SLC2A9: variants seen among roughly 807,000 people sequenced by gnomAD.
The protein encoded by SLC2A9 is solute carrier family 2 member 9.
A neutral mutation model predicts 50.6 loss-of-function variants in SLC2A9; 39 were observed. The observed-to-expected ratio is 0.77, with a 90% CI of 0.60 to 1.01. The LOEUF is 1.01. Ranked by LOEUF, SLC2A9 falls within the 50% of genes least tolerant of loss-of-function variation. The probability of loss-of-function intolerance (pLI) is 0.00; values close to 1 mark genes in which losing one functional copy is unlikely to be tolerated. For missense variants in SLC2A9, 686 were observed against 677.6 expected, an observed-to-expected ratio of 1.01 and a Z score of -0.14; for synonymous variants, 324 against 276.9, an observed-to-expected ratio of 1.17 and a Z score of -1.69.
At chr4:9,937,313 C>T (rs917725880) in intron 6 of SLC2A9, among the ~76,000 whole-genome samples, 9 of 152,042 alleles carry the variant, frequency 5.9e-5, no homozygotes, top group Admixed American at 5.9e-4. Context: ...CCCTTTTTGG[C>T]CCTTGGGTTT....
chr4:9,923,113 A>G (rs979937837), intron 6 of SLC2A9, among the ~76,000 whole-genome samples: 7 of 152,114 alleles, frequency 4.6e-5, no homozygotes, highest in Admixed American at 1.3e-4. Context: ...TAGAAGACTG[A>G]GCTGGAGTCC....
intron 3 of SLC2A9, among the ~76,000 whole-genome samples, chr4:9,818,834 G>C (rs1413690083): frequency 2.0e-5 from 3 of 152,134 alleles, no homozygotes; most frequent in Non-Finnish European, 4.4e-5. Flanking sequence ...AAAGTATACA[G>C]GTCTTGGGCT....
At chr4:9,939,316 G>C (rs1747699324) in intron 6 of SLC2A9, among the ~76,000 whole-genome samples, 1 of 152,156 alleles carries the variant, frequency 6.6e-6, no homozygotes, top group African/African-American at 2.4e-5. Context: ...TTGACCTATA[G>C]GTTTGTGAAC....
upstream of SLC2A9, among the ~76,000 whole-genome samples, chr4:10,022,222 A>G (rs566005175): frequency 5.9e-5 from 9 of 152,238 alleles, no homozygotes; most frequent in Non-Finnish European, 1.3e-4. Context: ...AAAATGGAAT[A>G]TTGACCCCAC....
intron 5 of SLC2A9, among the ~76,000 whole-genome samples, chr4:9,942,458 G>C (rs1025381397): frequency 1.3e-5 from 2 of 152,262 alleles, no homozygotes; most frequent in South Asian, 2.1e-4. Context: ...AGGTGACATG[G>C]GCACCACCGC....
chr4:9,970,997 G>A (rs867878582), intron 5 of SLC2A9, among the ~76,000 whole-genome samples: 5 of 152,060 alleles, frequency 3.3e-5, no homozygotes, highest in South Asian at 4.2e-4. Flanking sequence ...GTCATGTACC[G>A]CCTGCTTGGT....
chr4:9,903,262 T>A (rs1316417317), intron 8 of SLC2A9, among the ~76,000 whole-genome samples: 1 of 88,788 alleles, frequency 1.1e-5, no homozygotes, highest in African/African-American at 6.3e-5. Flanking sequence ...CCATAAGGAT[T>A]TTTTTTTTTT....
At chr4:9,772,721 A>T (rs1716991673) in intron 1 of SLC2A9, among the ~76,000 whole-genome samples, 1 of 152,184 alleles carries the variant, frequency 6.6e-6, no homozygotes, top group Non-Finnish European at 1.5e-5. Context: ...TGTAAAAAAA[A>T]CTTGACCAAT....
chr4:9,792,343 G>GA (rs755171741), intron 3 of SLC2A9, among the ~76,000 whole-genome samples: 1 of 131,176 alleles, frequency 7.6e-6, no homozygotes, highest in Non-Finnish European at 1.7e-5. Flanking sequence ...CACCTGGATA[G>GA]TTTTTTTTTT....
At chr4:10,018,397 T>C (rs1762965992) in intron 2 of SLC2A9, among the ~76,000 whole-genome samples, 1 of 151,896 alleles carries the variant, frequency 6.6e-6, no homozygotes, top group Non-Finnish European at 1.5e-5. Flanking sequence ...CAAAAATTAG[T>C]CGGGTGTGGT....
chr4:9,954,392 T>C (rs1324059912), intron 5 of SLC2A9, among the ~76,000 whole-genome samples: 1 of 152,258 alleles, frequency 6.6e-6, no homozygotes, highest in Non-Finnish European at 1.5e-5. Flanking sequence ...GGGGCAACCC[T>C]TGCTCCCCAC....
intron 10 of SLC2A9, among the ~76,000 whole-genome samples, chr4:9,862,913 A>G (rs538559296): frequency 1.3e-5 from 2 of 152,094 alleles, no homozygotes; most frequent in South Asian, 4.1e-4. Flanking sequence ...GAAGTGCTTG[A>G]TTAATACTTT....
chr4:9,835,948 G>A (rs770901007), intron 10 of SLC2A9, among the ~76,000 whole-genome samples: 5 of 151,986 alleles, frequency 3.3e-5, no homozygotes, highest in Admixed American at 6.6e-5. Context: ...TTAGCTGGGC[G>A]TGGTGGTGCA....
chr4:10,035,511 A>AC (rs1475935830), intron 1 of SLC2A9: 1 of 152,138 alleles, frequency 6.6e-6, no homozygotes, highest in Admixed American at 6.5e-5. Context: ...AGGGCAATGA[A>AC]CCCCACCTCA....
upstream of SLC2A9, among the ~76,000 whole-genome samples, chr4:10,026,278 A>C (rs1325773196): frequency 1.3e-5 from 2 of 152,020 alleles, no homozygotes; most frequent in African/African-American, 4.8e-5. Flanking sequence ...TCATCAATTT[A>C]TCTCTCTGTG....
intron 10 of SLC2A9, chr4:9,879,570 C>CTGG: frequency 1.0e-6 from 1 of 985,316 alleles, no homozygotes; most frequent in Non-Finnish European, 1.2e-6. Context: ...TTTTTCCAAG[C>CTGG]AAGGTATGTG....
rs549030152 is a variant in SLC2A9 at position 10,006,273 on chromosome 4, C to T, written c.250-9332G>A. On this transcript the variant is annotated intron_variant, in intron 2 of 11. Transcript: ENST00000264784. ...CCAGACAATGGGAGGCAAATTACCT[C>T]GTAGCCCGTTTAACAATATTAATGT... is the stretch of plus-strand genomic sequence containing the variant. Among the ~76,000 whole-genome samples the T allele has an allele frequency of 4.6e-5, 7 of 152,272 alleles. No homozygotes were observed. In the South Asian group the frequency reaches 8.3e-4, roughly 18 times the overall value.
chr4:9,845,277 T>C (rs891073470), intron 10 of SLC2A9, among the ~76,000 whole-genome samples: 1 of 151,948 alleles, frequency 6.6e-6, no homozygotes, highest in Admixed American at 6.5e-5. Context: ...CCCCCCAAAG[T>C]GCTGAGATTA....
intron 8 of SLC2A9, among the ~76,000 whole-genome samples, chr4:9,902,433 A>G (rs887644893): frequency 6.6e-6 from 1 of 152,158 alleles, no homozygotes; most frequent in Non-Finnish European, 1.5e-5. Flanking sequence ...GGCATTTTCC[A>G]TGTCTGCTTC....
Sources: allele counts gnomAD v4.1 joint callset (sites outside exome capture counted in the v4.1 genomes callset), GRCh38; gene constraint gnomAD v4.1.1; transcripts MANE v1.5; gene names NCBI Gene and HGNC (gene_info 2026-07-23, HGNC 2026-07-21).